Variants in ME2 observed in about 807,000 individuals in gnomAD.
The protein encoded by ME2 is NAD-dependent malic enzyme, mitochondrial.
In ME2, 60 loss-of-function variants were observed where a neutral mutation model predicts 73.7. The observed-to-expected ratio is 0.81, with a 90% CI of 0.66 to 1.01. ME2 has a LOEUF of 1.01. Ranked by LOEUF, ME2 falls within the 50% of genes least tolerant of loss-of-function variation. The probability of loss-of-function intolerance (pLI) is 0.00; values close to 1 mark genes in which losing one functional copy is unlikely to be tolerated. For missense variants in ME2, 594 were observed against 705.5 expected (o/e 0.84, Z 1.79); for synonymous variants, 199 against 236.9 (o/e 0.84, Z 1.47).
chr18:50,926,385 A>G (rs1917554062), intron 12 of ME2, among the ~76,000 whole-genome samples: 1 of 152,176 alleles, frequency 6.6e-6, no homozygotes, highest in South Asian at 2.1e-4. Context: ...AGCATTTTGA[A>G]GATATCATTT....
At chr18:50,913,229 A>C (rs1443690716) in intron 4 of ME2, 3 of 224,450 alleles carry the variant, frequency 1.3e-5, no homozygotes, top group African/African-American at 2.3e-5. Flanking sequence ...CCACCAAAAA[A>C]AGTCTTAATT....
intron 12 of ME2, 111 bp from the exon 13 acceptor site, chr18:50,932,147 C>T: frequency 2.6e-6 from 2 of 780,076 alleles, no homozygotes; most frequent in East Asian, 2.6e-5. Flanking sequence ...GCCTTGCTTC[C>T]AAGTAATATA....
At position 50,921,171 on chromosome 18, in the gene ME2, A is replaced by G; in HGVS notation, c.1040A>G (p.Tyr347Cys). ...AAGAAAATCTGGATGTTTGACAAGT[A>G]TGGTTTATTAGTTAAGGTAAGGTAT... Reference protein sequence around the residue: ...AQKKIWMFDKYGLLVKGRKAK... With the variant: ...AQKKIWMFDKCGLLVKGRKAK... The change falls in exon 10 of 16, where the codon TAT becomes TGT. Residue 347 changes from tyrosine to cysteine, a missense_variant. Tyr to Cys is a radical substitution (Grantham distance 194). Coordinates refer to ENST00000321341, the MANE Select transcript of ME2 (RefSeq NM_002396.5). 2 of 1,569,834 alleles carry G rather than the reference A, an allele frequency of 1.3e-6. No homozygotes were observed. The highest frequency in any genetic ancestry group is 8.7e-7 in the Non-Finnish European group (1 of 1,146,360).
chr18:50,915,958 A>G (rs1917274639), intron 4 of ME2: 1 of 430,578 alleles, frequency 2.3e-6, no homozygotes, highest in Non-Finnish European at 4.1e-6. Context: ...ATCATTTAAC[A>G]ATAATCTTTG....
At chr18:50,925,294 C>T in intron 11 of ME2, among the ~76,000 whole-genome samples, 1 of 152,076 alleles carries the variant, frequency 6.6e-6, no homozygotes, top group East Asian at 1.9e-4. Flanking sequence ...GCCTGGCCAA[C>T]ATGGCAAAAC....
chr18:50,908,196 A>G lies in ME2; in HGVS notation c.242A>G (p.Lys81Arg). The change falls in exon 3 of 16, where the codon AAA (lysine) becomes AGA (arginine). Residue 81 changes from lysine (K) to arginine (R), a missense_variant and splice_region_variant. Transcript: ENST00000321341. ...AAGAAAATGACTAGCCCTTTGGAAAAGTAAGAGTTGCTTAGATGTTTCTTT... is the reference window on the plus strand; with the variant it reads ...AAGAAAATGACTAGCCCTTTGGAAAGGTAAGAGTTGCTTAGATGTTTCTTT... ...NLKKMTSPLE[K>R]YIYIMGIQER... 3.8e-6 allele frequency: 6 copies of G among 1,583,938 alleles called. No homozygotes were observed. The highest frequency in any genetic ancestry group is 5.1e-6 in the Non-Finnish European group (6 of 1,169,512).
chr18:50,937,902 T>C (rs1322354007), intron 13 of ME2, among the ~76,000 whole-genome samples: 1 of 152,192 alleles, frequency 6.6e-6, no homozygotes, highest in Admixed American at 6.5e-5. Flanking sequence ...CAAGACTTCA[T>C]GAACATTTCC....
chr18:50,919,770 G>C (rs1289356158), intron 7 of ME2, among the ~76,000 whole-genome samples: 1 of 151,768 alleles, frequency 6.6e-6, no homozygotes, highest in Admixed American at 6.6e-5. Flanking sequence ...AGCCTTCACT[G>C]TTTCTACATG....
At chr18:50,880,557 G>A (rs367567749) in intron 1 of ME2, among the ~76,000 whole-genome samples, 2 of 152,194 alleles carry the variant, frequency 1.3e-5, no homozygotes, top group African/African-American at 2.4e-5. Context: ...GGAGGCCGAC[G>A]TGGGTGGATC....
chr18:50,904,338 G>A (rs1232045295), intron 2 of ME2, among the ~76,000 whole-genome samples: 1 of 151,024 alleles, frequency 6.6e-6, no homozygotes, highest in African/African-American at 2.4e-5. Flanking sequence ...GAGTGCAGTG[G>A]TGCAATCTCG....
chr18:50,896,641 T>C (rs768713229), intron 2 of ME2, among the ~76,000 whole-genome samples: 39 of 152,218 alleles, frequency 2.6e-4, no homozygotes, highest in Non-Finnish European at 4.3e-4. Context: ...TTGAGTTTAT[T>C]GCAATATATG....
At position 50,913,746 on chromosome 18, in the gene ME2, G is replaced by A. The variant is rs186121124; in HGVS notation, c.392+796G>A. The stretch of plus-strand genomic sequence containing the variant: ...ACTGACTCAAGTTCTTGAATGAGTC[G>A]CGTGATCCCCATGAATGTGTTTCCT... On this transcript the variant is annotated intron_variant, in intron 4 of 15. Coordinates refer to ENST00000321341, the MANE Select transcript of ME2 (RefSeq NM_002396.5). Among the ~76,000 whole-genome samples, 24 of 152,004 alleles carry A rather than the reference G, an allele frequency of 1.6e-4. No homozygotes were observed. In the South Asian group the frequency reaches 1.7e-3, roughly 11 times the overall value.
chr18:50,932,386 T>C (rs772175273), intron 13 of ME2, 26 bp downstream of exon 13: 2 of 1,525,312 alleles, frequency 1.3e-6, no homozygotes, highest in Non-Finnish European at 1.8e-6. Flanking sequence ...ATTTATGTTA[T>C]AGAGCAATAG....
rs938836285 is a variant in ME2, at chr18:50,953,119, T to G, written c.*5935T>G. 2.6e-5 allele frequency: 4 copies of G among 151,780 alleles called. No homozygotes were observed. The highest frequency in any genetic ancestry group is 5.9e-5 in the Non-Finnish European group (4 of 67,950). The allele number at this position is 151,780 out of a possible 1,614,324, so 9.4% of individuals were successfully genotyped here. ...TTTTTTTTTTTTTTTTTCTTTTCTT[T>G]GAGACAGCCTTGCTCTGTCTCCCAG... On this transcript the variant is annotated 3_prime_UTR_variant, in exon 16 of 16. Transcript: ENST00000321341.
rs1447473582 is a variant in ME2, at chr18:50,901,035, A to G, written c.108+5107A>G. Among the ~76,000 whole-genome samples the G allele has an allele frequency of 2.6e-5, 4 of 152,366 alleles. No homozygotes were observed. In the East Asian group the frequency reaches 5.8e-4, roughly 22 times the overall value. On this transcript the variant is annotated intron_variant, in intron 2 of 15. Coordinates refer to ENST00000321341, the MANE Select transcript of ME2 (RefSeq NM_002396.5). ...CACCTAATTTCTGTACCAAAACAAC[A>G]TAAGCCATAGAACATGTGATGTGAA...
At chr18:50,944,788 G>A (rs1478057814) in intron 15 of ME2, among the ~76,000 whole-genome samples, 3 of 152,042 alleles carry the variant, frequency 2.0e-5, no homozygotes, top group African/African-American at 7.2e-5. Context: ...TCTGCCACAA[G>A]TGAGAGTTTC....
intron 12 of ME2, among the ~76,000 whole-genome samples, chr18:50,928,973 C>T (rs1568172332): frequency 6.6e-6 from 1 of 152,018 alleles, no homozygotes; most frequent in Non-Finnish European, 1.5e-5. Context: ...TCTTCCCCAA[C>T]ACCAAACTCT....
In ME2 at chr18:50,951,420, C is replaced by T. The variant is rs974094512; in HGVS notation, c.*4236C>T. On this transcript the variant is annotated 3_prime_UTR_variant, in exon 16 of 16. Coordinates refer to ENST00000321341, the MANE Select transcript of ME2 (RefSeq NM_002396.5). ...AAATGCTCCCATAGTTTTTTTTCCT[C>T]AAGCCCAGTCAGTATCCTTCAAGGA... 2.0e-5 allele frequency: 3 copies of T among 152,102 alleles called. No individual in the cohort carries two copies. The highest frequency in any genetic ancestry group is 4.4e-5 in the Non-Finnish European group (3 of 68,016). The allele number at this position is 152,102 out of a possible 1,614,324, so 9.4% of individuals were successfully genotyped here.
intron 2 of ME2, among the ~76,000 whole-genome samples, chr18:50,901,530 G>T (rs1916890027): frequency 6.6e-6 from 1 of 152,188 alleles, no homozygotes; most frequent in African/African-American, 2.4e-5. Context: ...CATTTTTAGT[G>T]TGGATTTAAA....
Sources: gnomAD v4.1 joint callset for allele counts (sites outside exome capture counted in the v4.1 genomes callset) on GRCh38, gnomAD v4.1.1 for gene constraint, MANE v1.5 for transcripts, NCBI Gene and HGNC (gene_info 2026-07-23, HGNC 2026-07-21) for gene names.